The following NT5DC1 variants were observed in gnomAD, a reference collection of about 807,000 sequenced individuals.
NT5DC1 encodes the protein 5'-nucleotidase domain containing 1, also known as 5'-nucleotidase domain-containing protein 1.
Under a neutral mutation model 59.4 loss-of-function variants are expected in NT5DC1, and 42 were observed. The observed-to-expected ratio is 0.71, with a 90% CI of 0.55 to 0.92. The LOEUF is 0.92. NT5DC1 is among the 40% of genes least tolerant of loss of function. The pLI is 0.00. For synonymous variants in NT5DC1, 172 were observed against 188.1 expected (o/e 0.91, Z 0.70); for missense variants, 501 against 537.1 (o/e 0.93, Z 0.66).
chr6:116,121,412 C>T (rs1158977057), intron 6 of NT5DC1: 1 of 1,614,046 alleles, frequency 6.2e-7, no homozygotes, highest in Non-Finnish European at 8.5e-7. Context: ...ACCTCTATCA[C>T]CTTTGATGCC....
chr6:116,171,468 T>C (rs1780607070), intron 6 of NT5DC1, among the ~76,000 whole-genome samples: 1 of 152,228 alleles, frequency 6.6e-6, no homozygotes, highest in African/African-American at 2.4e-5. Flanking sequence ...TAAAGATGAT[T>C]ATTATCATCG....
intron 6 of NT5DC1, among the ~76,000 whole-genome samples, chr6:116,129,257 A>G (rs981878243): frequency 2.0e-5 from 3 of 152,238 alleles, no homozygotes; most frequent in African/African-American, 7.2e-5. Context: ...TATATTATAT[A>G]GAAACACATA....
At chr6:116,216,162 G>A (rs577880193) in intron 6 of NT5DC1, among the ~76,000 whole-genome samples, 1 of 151,986 alleles carries the variant, frequency 6.6e-6, no homozygotes, top group Admixed American at 6.6e-5. Context: ...AAGATAATTG[G>A]CAACAGTTAT....
chr6:116,136,447 A>T (rs1562133071), intron 6 of NT5DC1, among the ~76,000 whole-genome samples: 2 of 148,956 alleles, frequency 1.3e-5, no homozygotes. Context: ...GGTTATAGCT[A>T]TTTTTTTTAA....
intron 6 of NT5DC1, among the ~76,000 whole-genome samples, chr6:116,130,002 A>G (rs1216353997): frequency 6.6e-6 from 1 of 152,188 alleles, no homozygotes; most frequent in East Asian, 1.9e-4. Context: ...TACTTCTGTT[A>G]GGAAGCCCTT....
intron 5 of NT5DC1, among the ~76,000 whole-genome samples, chr6:116,116,895 G>C (rs1385450832): frequency 6.6e-6 from 1 of 152,024 alleles, no homozygotes; most frequent in African/African-American, 2.4e-5. Context: ...TCTTTGTTTA[G>C]ATAGGTCACT....
intron 6 of NT5DC1, among the ~76,000 whole-genome samples, chr6:116,213,467 G>A (rs1285203764): frequency 6.6e-6 from 1 of 152,020 alleles, no homozygotes; most frequent in Non-Finnish European, 1.5e-5. Context: ...GCTACACCTG[G>A]AACTAACACA....
chr6:116,246,452 C>CA lies in NT5DC1; in HGVS notation c.*2433dup, dbSNP rs1177822363. On this transcript the variant is annotated 3_prime_UTR_variant, in exon 12 of 12. Coordinates refer to ENST00000319550, the MANE Select transcript of NT5DC1 (RefSeq NM_152729.3). ...TTATTTCCCCACCAATATTCATATC[C>CA]AAAAATAACTTTAAATACACACACA... 2 of 132,592 alleles carry CA rather than the reference C, an allele frequency of 1.5e-5. No homozygotes were observed. Among genetic ancestry groups the CA allele is most frequent in the African/African-American group, 5.9e-5 (2 of 33,900 alleles). 8.2% of individuals were successfully genotyped at this position (132,592 alleles called of 1,614,324 possible). A position where few individuals can be genotyped will look rare whatever the true frequency, so the allele number is the denominator to read the frequency against.
In NT5DC1 at chr6:116,249,311, GC is replaced by G. The variant is rs1409112653; in HGVS notation, c.*5289del. On this transcript the variant is annotated 3_prime_UTR_variant, in exon 12 of 12. Coordinates refer to ENST00000319550, the MANE Select transcript of NT5DC1 (RefSeq NM_152729.3). ...TTCTAACTCAAATGAGAAATTTTGG[GC>G]CATTTTTGTCAAATTTTTGCTTAGA... 1.3e-5 allele frequency: 2 copies of G among 152,118 alleles called. No homozygotes were observed. Among genetic ancestry groups the G allele is most frequent in the Admixed American group, 6.5e-5 (1 of 15,278 alleles). The allele number at this position is 152,118 out of a possible 1,614,324, so 9.4% of individuals were successfully genotyped here. A position where few individuals can be genotyped will look rare whatever the true frequency, so the allele number is the denominator to read the frequency against.
Position 116,163,582 on chromosome 6 carries a change from G to A in NT5DC1, c.529+45637G>A, listed in dbSNP as rs903455295. Among the ~76,000 whole-genome samples, 3 of 151,840 alleles carry A rather than the reference G, an allele frequency of 2.0e-5. No homozygotes were observed. The East Asian group carries it at 5.8e-4, about 29-fold the overall frequency. On this transcript the variant is annotated intron_variant, in intron 6 of 11. Coordinates refer to ENST00000319550, the MANE Select transcript of NT5DC1 (RefSeq NM_152729.3). The stretch of plus-strand genomic sequence containing the variant: ...TCTTAAACAACCAACTTTTGGCTTT[G>A]TTGATCCCTTGTGTGATATTTTAGT...
intron 6 of NT5DC1, among the ~76,000 whole-genome samples, chr6:116,152,928 A>G (rs1780085007): frequency 6.6e-6 from 1 of 152,130 alleles, no homozygotes; most frequent in African/African-American, 2.4e-5. Context: ...TAAATAACCT[A>G]TAATCCTCCT....
chr6:116,176,742 C>T (rs1053851920), intron 6 of NT5DC1, among the ~76,000 whole-genome samples: 1 of 152,084 alleles, frequency 6.6e-6, no homozygotes, highest in Non-Finnish European at 1.5e-5. Context: ...GTTTCATTAG[C>T]ATGAAGAGTC....
In NT5DC1 at chr6:116,221,125, G is replaced by A. The variant is rs1270664678; in HGVS notation, c.601G>A (p.Val201Met). The A allele has an allele frequency of 1.9e-6, 3 of 1,578,446 alleles. No individual in the cohort carries two copies. The highest frequency in any genetic ancestry group is 2.6e-6 in the Non-Finnish European group (3 of 1,148,572). Residue 201 changes from valine (V) to methionine (M), a missense_variant, in exon 7 of 12, where the codon GTG becomes ATG. Val to Met is a conservative substitution (Grantham distance 21). Coordinates refer to ENST00000319550, the MANE Select transcript of NT5DC1 (RefSeq NM_152729.3). ...GRYLHSCPES[V>M]KKWLRQLKNA... ...ATATTTACATAGTTGTCCTGAATCT[G>A]TGAAAAAATGGCTTCGACAGCTAAA...
At chr6:116,158,440 A>C (rs1021603944) in intron 6 of NT5DC1, among the ~76,000 whole-genome samples, 1 of 152,246 alleles carries the variant, frequency 6.6e-6, no homozygotes, top group Non-Finnish European at 1.5e-5. Flanking sequence ...AGACAAGAAG[A>C]TAAAAACTTA....
At chr6:116,136,017 G>A (rs1226315224) in intron 6 of NT5DC1, among the ~76,000 whole-genome samples, 1 of 151,774 alleles carries the variant, frequency 6.6e-6, no homozygotes, top group African/African-American at 2.4e-5. Context: ...TCACCATGCT[G>A]TACATTAGAT....
rs73774231 is a variant in NT5DC1, at chr6:116,208,816, A to G, written c.530-12238A>G. Among the ~76,000 whole-genome samples the G allele has an allele frequency of 2.1e-3, 326 of 152,156 alleles. 1 individual carries two copies. The highest frequency in any genetic ancestry group is 7.7e-3 in the African/African-American group (320 of 41,558). The stretch of plus-strand genomic sequence containing the variant: ...AAATCATAAAAGCAATAGCAAAGGC[A>G]CATATAGATAGGTTTTAAAGAGATG... On this transcript the variant is annotated intron_variant, in intron 6 of 11. Transcript: ENST00000319550.
intron 6 of NT5DC1, among the ~76,000 whole-genome samples, chr6:116,168,837 G>T (rs1423611510): frequency 2.0e-5 from 3 of 152,106 alleles, no homozygotes; most frequent in Non-Finnish European, 2.9e-5. Context: ...GGCAGCTAGG[G>T]CTCTAGCACT....
chr6:116,184,498 T>C (rs1780952678), intron 6 of NT5DC1, among the ~76,000 whole-genome samples: 1 of 152,138 alleles, frequency 6.6e-6, no homozygotes, highest in African/African-American at 2.4e-5. Flanking sequence ...AGCATTCAGC[T>C]ATGAATCCGT....
At chr6:116,182,328 A>G (rs1378419026) in intron 6 of NT5DC1, among the ~76,000 whole-genome samples, 3 of 151,758 alleles carry the variant, frequency 2.0e-5, no homozygotes, top group Non-Finnish European at 2.9e-5. Context: ...TAGCAGTTGC[A>G]AATTGTGCTG....
Sources: gnomAD v4.1 joint callset for allele counts (sites outside exome capture counted in the v4.1 genomes callset) on GRCh38, gnomAD v4.1.1 for gene constraint, MANE v1.5 for transcripts, NCBI Gene and HGNC (gene_info 2026-07-23, HGNC 2026-07-21) for gene names.